The following IPO11 variants were observed in gnomAD, a reference collection of about 807,000 sequenced individuals.
The protein encoded by IPO11 is importin 11.
A neutral mutation model predicts 143.2 loss-of-function variants in IPO11; 66 were observed. The observed-to-expected ratio is 0.46, with a 90% confidence interval of 0.38 to 0.57. The LOEUF (loss-of-function observed/expected upper bound fraction) is 0.57, where lower values mean the gene tolerates loss of function less well. Ranked by LOEUF, IPO11 falls within the 20% of genes least tolerant of loss-of-function variation. The pLI, the probability that IPO11 is intolerant of heterozygous loss-of-function variation, is 0.00. For missense variants in IPO11, 1,026 were observed against 1,141.0 expected, an observed-to-expected ratio of 0.90 and a Z score of 1.45; for synonymous variants, 385 against 377.8, an observed-to-expected ratio of 1.02 and a Z score of -0.22.
intron 27 of IPO11, among the ~76,000 whole-genome samples, chr5:62,582,132 T>C (rs1744591169): frequency 6.6e-6 from 1 of 152,218 alleles, no homozygotes; most frequent in African/African-American, 2.4e-5. Flanking sequence ...GAAGGATTTT[T>C]AAGCAGTAGA....
chr5:62,589,834 A>G (rs1744946215), intron 27 of IPO11, among the ~76,000 whole-genome samples: 1 of 152,258 alleles, frequency 6.6e-6, no homozygotes, highest in Non-Finnish European at 1.5e-5. Flanking sequence ...AATTGATGTC[A>G]TCTGTCCATG....
chr5:62,600,306 A>G (rs1745459600), intron 28 of IPO11, among the ~76,000 whole-genome samples: 1 of 152,190 alleles, frequency 6.6e-6, no homozygotes, highest in Non-Finnish European at 1.5e-5. Flanking sequence ...TCAGCCTCCC[A>G]AAGTGCTGGG....
At chr5:62,620,805 G>T (rs1482266777) in intron 29 of IPO11, among the ~76,000 whole-genome samples, 2 of 152,170 alleles carry the variant, frequency 1.3e-5, no homozygotes, top group Admixed American at 1.3e-4. Context: ...GTATAATGAG[G>T]CACATCTGCT....
chr5:62,441,983 T>A (rs1392793191), intron 2 of IPO11, among the ~76,000 whole-genome samples: 1 of 151,688 alleles, frequency 6.6e-6, no homozygotes, highest in African/African-American at 2.4e-5. Flanking sequence ...GTAGCTGGTA[T>A]TACAGGCATG....
intron 21 of IPO11, among the ~76,000 whole-genome samples, chr5:62,528,599 C>T (rs534763203): frequency 3.0e-4 from 46 of 152,160 alleles, no homozygotes; most frequent in Non-Finnish European, 5.1e-4. Context: ...TTGGTAGCAG[C>T]TGGGATACTT....
chr5:62,483,434 A>G (rs1746281247), intron 10 of IPO11, 141 bp downstream of exon 10: 3 of 598,442 alleles, frequency 5.0e-6, no homozygotes, highest in South Asian at 4.9e-5. Flanking sequence ...TATAAGGATT[A>G]TAGGCTTTAG....
At chr5:62,438,326 CTGTT>C (rs1580177289) in intron 2 of IPO11, among the ~76,000 whole-genome samples, 2 of 151,582 alleles carry the variant, frequency 1.3e-5, no homozygotes, top group East Asian at 3.9e-4. Context: ...AAAAAGATGG[CTGTT>C]TGGCTCAGTA....
At chr5:62,462,204 G>A (rs1420499693) in intron 5 of IPO11, among the ~76,000 whole-genome samples, 2 of 152,128 alleles carry the variant, frequency 1.3e-5, no homozygotes, top group African/African-American at 4.8e-5. Flanking sequence ...CATTTTTAGA[G>A]TCAAATGATA....
Position 62,536,763 on chromosome 5 carries a change from A to G in IPO11, c.2151A>G (p.Ser717=). 2 of 1,566,190 alleles carry G rather than the reference A, an allele frequency of 1.3e-6. No individual in the cohort carries two copies. Among genetic ancestry groups the G allele is most frequent in the South Asian group, 1.2e-5 (1 of 82,446 alleles). Residue 717 remains serine, a synonymous_variant, in exon 23 of 30, where the codon TCA becomes TCG. Coordinates refer to ENST00000325324, the MANE Select transcript of IPO11 (RefSeq NM_016338.5). ...FKIINGYIFL[S]STEFLQTYAV... is the part of the protein sequence containing the mutation. ...TCATCAATGGTTATATCTTTTTATC[A>G]TCAACAGAATTTTTACAGGTATGTT...
chr5:62,450,498 C>CATTTAGAGAAGAAAAAGAAAG (rs1744873083), intron 4 of IPO11, among the ~76,000 whole-genome samples: 1 of 152,174 alleles, frequency 6.6e-6, no homozygotes, highest in African/African-American at 2.4e-5. Flanking sequence ...ATAGCATATA[C>CATTTAGAGAAGAAAAAGAAAG]AACTATTACA....
intron 12 of IPO11, among the ~76,000 whole-genome samples, chr5:62,486,858 A>T (rs1746425789): frequency 6.6e-6 from 1 of 152,074 alleles, no homozygotes; most frequent in Admixed American, 6.6e-5. Flanking sequence ...CTTCCTGTAA[A>T]CATCTCCCAG....
At position 62,620,875 on chromosome 5, in the gene IPO11, G is replaced by A. The variant is rs114859285; in HGVS notation, c.2764-6279G>A. On this transcript the variant is annotated intron_variant, in intron 29 of 29. Coordinates refer to ENST00000325324, the MANE Select transcript of IPO11 (RefSeq NM_016338.5). ...ATTTTAAGAGTGTCCTGGCCAAAGA[G>A]GAAGTCCATTCAAACGGATGGTGGG... Among the ~76,000 whole-genome samples the A allele has an allele frequency of 7.1e-3, 1,085 of 152,324 alleles. 14 individuals are homozygous for A. The highest frequency in any genetic ancestry group is 0.025 in the African/African-American group (1,019 of 41,564).
intron 29 of IPO11, among the ~76,000 whole-genome samples, chr5:62,618,106 C>T (rs1580395007): frequency 6.6e-6 from 1 of 152,178 alleles, no homozygotes; most frequent in East Asian, 1.9e-4. Context: ...TCTAGGCTAA[C>T]AAAGAAAATC....
chr5:62,592,027 T>G (rs1174150856), intron 28 of IPO11, among the ~76,000 whole-genome samples: 2 of 152,112 alleles, frequency 1.3e-5, no homozygotes, highest in African/African-American at 4.8e-5. Context: ...TTTTTGTATT[T>G]TTAGTAGAGA....
At chr5:62,590,707 T>G (rs188601799) in intron 27 of IPO11, among the ~76,000 whole-genome samples, 304 of 152,262 alleles carry the variant, frequency 2.0e-3, no homozygotes, top group African/African-American at 7.0e-3. Flanking sequence ...TTGGACGTTA[T>G]AAAAGTCTGT....
chr5:62,580,208 T>TC (rs1189752517), intron 27 of IPO11: 1 of 1,551,066 alleles, frequency 6.4e-7, no homozygotes, highest in Admixed American at 2.0e-5. Context: ...CTGGAATACC[T>TC]CCTCCTGAAA....
rs1744469378 is a variant in IPO11 at position 62,579,733 on chromosome 5, G to A, written c.2583-11844G>A. 6.5e-6 allele frequency: 10 copies of A among 1,547,824 alleles called. No individual in the cohort carries two copies. The East Asian group carries it at 1.2e-4, about 19-fold the overall frequency. The stretch of plus-strand genomic sequence containing the variant: ...TTTGGATAATTCTAACATTCTGTAT[G>A]TATATCCAAAAGCCTTTGTTCAATT... On this transcript the variant is annotated intron_variant, in intron 27 of 29. Coordinates refer to ENST00000325324, the MANE Select transcript of IPO11 (RefSeq NM_016338.5).
chr5:62,484,931 A>G (rs138855949), intron 11 of IPO11, among the ~76,000 whole-genome samples: 225 of 150,868 alleles, frequency 1.5e-3, no homozygotes, highest in African/African-American at 2.0e-3. Context: ...TCTTTTTTCA[A>G]TTTGCTTTCT....
At chr5:62,500,332 G>A (rs1741306944) in intron 16 of IPO11, among the ~76,000 whole-genome samples, 1 of 152,242 alleles carries the variant, frequency 6.6e-6, no homozygotes, top group Non-Finnish European at 1.5e-5. Flanking sequence ...CCTACTGAAG[G>A]ACCTGCCTGA....
Sources: allele counts gnomAD v4.1 joint callset (sites outside exome capture counted in the v4.1 genomes callset), GRCh38; gene constraint gnomAD v4.1.1; transcripts MANE v1.5; gene names NCBI Gene and HGNC (gene_info 2026-07-23, HGNC 2026-07-21).